CCDC144A: variants seen among roughly 807,000 people sequenced by gnomAD.
CCDC144A encodes the protein coiled-coil domain containing 144A, also known as coiled-coil domain-containing protein 144A.
Under a neutral mutation model 143.8 loss-of-function variants are expected in CCDC144A, and 41 were observed. The ratio of observed to expected loss-of-function variants is 0.29; its 90% confidence interval spans 0.22 to 0.37. The LOEUF is 0.37. Ranked by LOEUF, CCDC144A falls within the 10% of genes least tolerant of loss-of-function variation. The pLI is 1.00. For missense variants in CCDC144A, 637 were observed against 1,488.8 expected, an observed-to-expected ratio of 0.43 and a Z score of 9.41; for synonymous variants, 242 against 517.9, an observed-to-expected ratio of 0.47 and a Z score of 7.23.
At chr17:16,742,742 A>AT (rs915641709) in intron 12 of CCDC144A, among the ~76,000 whole-genome samples, 4 of 150,628 alleles carry the variant, frequency 2.7e-5, no homozygotes, top group African/African-American at 2.5e-5. Context: ...TTGTTTTTTG[A>AT]TTTTTTTTGA....
At chr17:16,697,497 A>G (rs1911483704) in intron 2 of CCDC144A, among the ~76,000 whole-genome samples, 1 of 152,162 alleles carries the variant, frequency 6.6e-6, no homozygotes, top group Non-Finnish European at 1.5e-5. Flanking sequence ...CAAAAGAAAC[A>G]TTTGCATTTA....
At chr17:16,750,900 G>A (rs1318571200) in intron 12 of CCDC144A, among the ~76,000 whole-genome samples, 1 of 152,054 alleles carries the variant, frequency 6.6e-6, no homozygotes, top group East Asian at 1.9e-4. Context: ...TTTAAAAATG[G>A]CTCTGTCGTG....
intron 2 of CCDC144A, among the ~76,000 whole-genome samples, chr17:16,702,118 T>A (rs1911768574): frequency 1.3e-5 from 2 of 152,170 alleles, no homozygotes; most frequent in Admixed American, 1.3e-4. Flanking sequence ...TTACAATAAA[T>A]GAAAAATAAT....
chr17:16,741,903 A>G lies in CCDC144A; in HGVS notation c.3372+6260A>G, dbSNP rs527266178. Reference sequence around the variant, plus strand: ...CCATTTCTTTGTGTTGTGAACTTTCAAAATCCTCCCCTCTAGCTTTTTAAA... The same window carrying G: ...CCATTTCTTTGTGTTGTGAACTTTCGAAATCCTCCCCTCTAGCTTTTTAAA... On this transcript the variant is annotated intron_variant, in intron 12 of 16. Coordinates refer to ENST00000399273, the MANE Select transcript of CCDC144A (RefSeq NM_001382000.1). 1.4e-4 allele frequency among the ~76,000 whole-genome samples: 22 copies of G among 152,270 alleles called. No individual in the cohort carries two copies. The South Asian group carries it at 3.9e-3, about 27-fold the overall frequency.
upstream of CCDC144A, among the ~76,000 whole-genome samples, chr17:16,686,091 G>GTTTTTTTTTTTTTTTTTTTTTTTTTT (rs67135656): frequency 8.7e-6 from 1 of 114,710 alleles, no homozygotes. Flanking sequence ...TGTTTTTTTT[G>GTTTTTTTTTTTTTTTTTTTTTTTTTT]TTTTTTTTTT....
intron 2 of CCDC144A, among the ~76,000 whole-genome samples, chr17:16,700,708 CATCATTCAT>C (rs1444809123): frequency 3.8e-4 from 58 of 152,270 alleles, no homozygotes; most frequent in African/African-American, 1.3e-3. Flanking sequence ...GTTTCAGTTG[CATCATTCAT>C]ATTAAATAGC....
At chr17:16,676,474 G>C in the CCDC144A span, among the ~76,000 whole-genome samples, 2 of 149,786 alleles carry the variant, frequency 1.3e-5, no homozygotes, top group African/African-American at 4.9e-5. Flanking sequence ...TGGGGCCACG[G>C]CACTCCAGCC....
chr17:16,683,516 C>T, the CCDC144A span: 9 of 1,523,358 alleles, frequency 5.9e-6, no homozygotes, highest in African/African-American at 1.1e-4. Context: ...TCGGGATGTT[C>T]TATGCCGTGA....
intron 12 of CCDC144A, among the ~76,000 whole-genome samples, chr17:16,738,776 G>T (rs1914134186): frequency 6.6e-6 from 1 of 151,906 alleles, no homozygotes. Context: ...TTTTGTGTTT[G>T]TATATGTATT....
chr17:16,751,261 T>C (rs72637366), intron 12 of CCDC144A, among the ~76,000 whole-genome samples: 14,049 of 152,196 alleles, frequency 0.092, 937 homozygotes, highest in East Asian at 0.32. Flanking sequence ...GTATAGTTGA[T>C]TGGCCTTTTT....
chr17:16,709,502 A>G lies in CCDC144A; in HGVS notation c.1445A>G (p.Asp482Gly), dbSNP rs765608301. The G allele has an allele frequency of 4.3e-6, 7 of 1,611,674 alleles. No individual in the cohort carries two copies. In the South Asian group the frequency reaches 7.7e-5, roughly 18 times the overall value. ...GAAAATCTGAGTTCTTTACCACCAG[A>G]TTCTGACAGAACATCAGAAGTATAT... Reference protein sequence around the residue: ...KLENLSSLPPDSDRTSEVYLH... With the variant: ...KLENLSSLPPGSDRTSEVYLH... The change falls in exon 5 of 17, where the codon GAT becomes GGT. Residue 482 changes from aspartate (D) to glycine (G), a missense_variant. By Grantham distance (94) the Asp-to-Gly change is moderately conservative. Transcript: ENST00000399273.
chr17:16,713,417 G>T (rs1455908123), intron 6 of CCDC144A, among the ~76,000 whole-genome samples: 1 of 151,944 alleles, frequency 6.6e-6, no homozygotes. Flanking sequence ...TTCAACAGTA[G>T]CTTCATATAA....
At chr17:16,769,864 G>C (rs539314694) in intron 15 of CCDC144A, among the ~76,000 whole-genome samples, 1 of 152,206 alleles carries the variant, frequency 6.6e-6, no homozygotes, top group Non-Finnish European at 1.5e-5. Flanking sequence ...GTCTCACTCT[G>C]TCTCCCAGGC....
At chr17:16,699,472 T>A (rs1324131346) in intron 2 of CCDC144A, among the ~76,000 whole-genome samples, 1 of 112,626 alleles carries the variant, frequency 8.9e-6, no homozygotes, top group African/African-American at 3.6e-5. Context: ...GCCTCCCGGG[T>A]TCACACCATT....
chr17:16,749,686 G>A (rs4034555), intron 12 of CCDC144A, among the ~76,000 whole-genome samples: 1 of 152,330 alleles, frequency 6.6e-6, no homozygotes. Flanking sequence ...CTATCAATGA[G>A]ATGTTGAAGA....
chr17:16,690,641 C>T lies in CCDC144A; in HGVS notation c.241C>T (p.Leu81Phe). ...CCAGCACGACGTCCGCCTGGAAGATCTTGGCGAGCTCCACAGAGCTGCCCG... is the reference window on the plus strand; with the variant it reads ...CCAGCACGACGTCCGCCTGGAAGATTTTGGCGAGCTCCACAGAGCTGCCCG... ...QPQHDVRLEDLGELHRAARSG... is the reference protein window; with the variant it reads ...QPQHDVRLEDFGELHRAARSG... The change falls in exon 1 of 17, where the codon CTT (leucine) becomes TTT (phenylalanine). Residue 81 changes from leucine (L) to phenylalanine (F), a missense_variant. Transcript: ENST00000399273. The T allele has an allele frequency of 6.2e-7, 1 of 1,613,846 alleles. No individual in the cohort carries two copies. Among genetic ancestry groups the T allele is most frequent in the Non-Finnish European group, 8.5e-7 (1 of 1,179,872 alleles).
chr17:16,718,980 C>T (rs1447252360), intron 6 of CCDC144A, among the ~76,000 whole-genome samples: 2 of 138,432 alleles, frequency 1.4e-5, no homozygotes, highest in Admixed American at 7.1e-5. Flanking sequence ...TACAGGCGCC[C>T]GCCACCGTGC....
intron 2 of CCDC144A, among the ~76,000 whole-genome samples, chr17:16,696,341 T>G: frequency 6.7e-6 from 1 of 149,932 alleles, no homozygotes. Context: ...CAGAAATGAG[T>G]AGATCTCGGG....
Position 16,753,433 on chromosome 17 carries a change from T to TTGTTGTTGTTGTTGTTG in CCDC144A, c.3373-7991_3373-7990insGTTGTTGTTGTTGTTGT, listed in dbSNP as rs1347148068. On this transcript the variant is annotated intron_variant, in intron 12 of 16. Coordinates refer to ENST00000399273, the MANE Select transcript of CCDC144A (RefSeq NM_001382000.1). ...TCTTTTGTCAGTGTTTTGTAGTTTT[T>TTGTTGTTGTTGTTGTTG]TTTTTTTTTTTTTTTTTTTTTTTGT... Among the ~76,000 whole-genome samples, 277 of 121,112 alleles carry TTGTTGTTGTTGTTGTTG rather than the reference T, an allele frequency of 2.3e-3. 6 individuals carry two copies. The highest frequency in any genetic ancestry group is 0.014 in the Admixed American group (181 of 12,668). The allele number at this position is 121,112 out of a possible 152,430, so 79.5% of individuals were successfully genotyped here.
Sources: allele counts gnomAD v4.1 joint callset (sites outside exome capture counted in the v4.1 genomes callset), GRCh38; gene constraint gnomAD v4.1.1; transcripts MANE v1.5; gene names NCBI Gene and HGNC (gene_info 2026-07-23, HGNC 2026-07-21).